Variants in SLIT2 observed in about 807,000 individuals in gnomAD.
SLIT2 encodes slit guidance ligand 2.
SLIT2 carries 41 observed loss-of-function variants against 185.7 expected under a neutral mutation model. That is an observed-to-expected ratio of 0.22 (90% CI 0.17 to 0.29). SLIT2 has a LOEUF of 0.29. Among genes scored for constraint, SLIT2 ranks in the 10% least tolerant of loss-of-function variants. SLIT2 has a pLI of 1.00. For missense variants in SLIT2, 1,571 were observed against 1,909.0 expected (o/e 0.82, Z 3.30); for synonymous variants, 693 against 680.2 (o/e 1.02, Z -0.29).
At chr4:20,548,811 C>T (rs1445496428) in intron 23 of SLIT2, among the ~76,000 whole-genome samples, 1 of 152,020 alleles carries the variant, frequency 6.6e-6, no homozygotes, top group Non-Finnish European at 1.5e-5. Context: ...GGAAAATCCA[C>T]CTTAGGGAAG....
In SLIT2 at chr4:20,531,174, C is replaced by T. The variant is rs149675355; in HGVS notation, c.1614-810C>T. On this transcript the variant is annotated intron_variant, in intron 16 of 36. Transcript: ENST00000504154. ...ATATATCCAGGCAGAAACGTGCACA[C>T]CATGTTCATAGCAGCATTATTTATA... Among the ~76,000 whole-genome samples, 551 of 152,206 alleles carry T rather than the reference C, an allele frequency of 3.6e-3. 5 individuals carry two copies. Among genetic ancestry groups the T allele is most frequent in the African/African-American group, 0.013 (529 of 41,526 alleles).
chr4:20,480,538 T>C (rs1378394500), intron 5 of SLIT2, among the ~76,000 whole-genome samples, 178 bp from the exon 6 acceptor site: 4 of 152,160 alleles, frequency 2.6e-5, no homozygotes, highest in African/African-American at 9.7e-5. Flanking sequence ...AACAAAAAGA[T>C]TTCAGTGGCG....
intron 4 of SLIT2, among the ~76,000 whole-genome samples, chr4:20,387,761 C>T (rs1279761708): frequency 1.3e-5 from 2 of 152,100 alleles, no homozygotes; most frequent in East Asian, 1.9e-4. Context: ...AGACCTCCAT[C>T]CTAGAACCAC....
chr4:20,487,670 A>T (rs553234606), intron 7 of SLIT2, among the ~76,000 whole-genome samples: 103 of 152,280 alleles, frequency 6.8e-4, no homozygotes, highest in African/African-American at 2.5e-3. Context: ...GCAAGAGGTC[A>T]CCCATCTTTC....
intron 4 of SLIT2, among the ~76,000 whole-genome samples, chr4:20,326,490 G>T (rs966425038): frequency 6.6e-6 from 1 of 151,968 alleles, no homozygotes. Context: ...ATGGCTACCC[G>T]TCTTGCTCAT....
intron 26 of SLIT2, among the ~76,000 whole-genome samples, chr4:20,561,060 C>T (rs1724649108): frequency 6.6e-6 from 1 of 151,864 alleles, no homozygotes; most frequent in East Asian, 1.9e-4. Context: ...CTGATACTGT[C>T]AGGTCCAAGA....
rs3924655 is a variant in SLIT2 at position 20,352,869 on chromosome 4, C to T, written c.395+83988C>T. On this transcript the variant is annotated intron_variant, in intron 4 of 36. Coordinates refer to ENST00000504154, the MANE Select transcript of SLIT2 (RefSeq NM_004787.4). ...CAGAGGTTGCCATGAGCCGAGAGTGCGTCACTGCAATCCAGCCTGAAAACT... is the reference window on the plus strand; with the variant it reads ...CAGAGGTTGCCATGAGCCGAGAGTGTGTCACTGCAATCCAGCCTGAAAACT... Among the ~76,000 whole-genome samples, 5 of 152,144 alleles carry T rather than the reference C, an allele frequency of 3.3e-5. No homozygotes were observed. In the East Asian group the frequency reaches 5.8e-4, roughly 18 times the overall value.
chr4:20,544,455 G>A (rs1186422277), intron 21 of SLIT2, among the ~76,000 whole-genome samples: 2 of 152,034 alleles, frequency 1.3e-5, no homozygotes, highest in African/African-American at 4.8e-5. Flanking sequence ...TCAAAAAGTT[G>A]AATTTTCAAT....
chr4:20,585,518 C>T (rs971071102), intron 29 of SLIT2, among the ~76,000 whole-genome samples: 18 of 152,180 alleles, frequency 1.2e-4, no homozygotes. Context: ...ATCATGGAGT[C>T]AAGGCTTGCC....
intron 34 of SLIT2, chr4:20,615,706 A>G (rs530070354): frequency 1.3e-5 from 2 of 152,316 alleles, no homozygotes; most frequent in Non-Finnish European, 2.9e-5. Context: ...GTCATTTCCT[A>G]TGAATGGGAA....
intron 4 of SLIT2, among the ~76,000 whole-genome samples, chr4:20,284,446 C>A (rs1221688640): frequency 6.6e-6 from 1 of 152,172 alleles, no homozygotes; most frequent in African/African-American, 2.4e-5. Flanking sequence ...TATTCACATG[C>A]ACTGAGTGCT....
chr4:20,617,832 T>C (rs532288647), intron 36 of SLIT2, among the ~76,000 whole-genome samples, 182 bp downstream of exon 36: 1 of 152,170 alleles, frequency 6.6e-6, no homozygotes, highest in African/African-American at 2.4e-5. Flanking sequence ...GCTATTGATT[T>C]ATTTTCAAGT....
At chr4:20,472,318 ATATATATCTATATATAGATC>A (rs1715258709) in intron 5 of SLIT2, among the ~76,000 whole-genome samples, 1 of 9,352 alleles carries the variant, frequency 1.1e-4, no homozygotes, top group Non-Finnish European at 1.6e-4. Context: ...ATATATAGAT[ATATATATCTATATATAGATC>A]TATATATAGA....
intron 8 of SLIT2, among the ~76,000 whole-genome samples, chr4:20,489,518 C>G (rs1577768653): frequency 6.6e-6 from 1 of 152,232 alleles, no homozygotes; most frequent in East Asian, 1.9e-4. Context: ...GCACTGTGGC[C>G]CACGCCTGTA....
chr4:20,467,920 A>C, intron 5 of SLIT2, 97 bp downstream of exon 5: 1 of 607,568 alleles, frequency 1.6e-6, no homozygotes. Context: ...AATGGTGAAA[A>C]CCCTGTGTAT....
In SLIT2 at chr4:20,539,479, A is replaced by G. The variant is rs752590667; in HGVS notation, c.1871A>G (p.Asp624Gly). Residue 624 changes from aspartate (D) to glycine (G), a missense_variant, in exon 19 of 37, where the codon GAC becomes GGC. Transcript: ENST00000504154. ...RSNRITCVGN[D>G]SFIGLSSVRL... ...AATCGAATAACCTGTGTGGGGAATGACAGTTTCATAGGACTCAGTTCTGTG... is the reference window on the plus strand; with the variant it reads ...AATCGAATAACCTGTGTGGGGAATGGCAGTTTCATAGGACTCAGTTCTGTG... 4 of 1,613,742 alleles carry G rather than the reference A, an allele frequency of 2.5e-6. No individual in the cohort carries two copies. The highest frequency in any genetic ancestry group is 3.4e-6 in the Non-Finnish European group (4 of 1,179,826).
chr4:20,282,368 A>G (rs924170763), intron 4 of SLIT2, among the ~76,000 whole-genome samples: 2 of 152,228 alleles, frequency 1.3e-5, no homozygotes, highest in Non-Finnish European at 2.9e-5. Context: ...TTTCCAAATA[A>G]CTATTATACC....
At chr4:20,370,255 C>T (rs1723464054) in intron 4 of SLIT2, among the ~76,000 whole-genome samples, 1 of 152,002 alleles carries the variant, frequency 6.6e-6, no homozygotes, top group Non-Finnish European at 1.5e-5. Flanking sequence ...TTTCCCTTTC[C>T]ACAAAGATTG....
At chr4:20,273,713 C>T (rs1713873166) in intron 4 of SLIT2, among the ~76,000 whole-genome samples, 1 of 152,140 alleles carries the variant, frequency 6.6e-6, no homozygotes, top group East Asian at 1.9e-4. Flanking sequence ...ATAAAACGAA[C>T]TCCCTAGTTC....
Sources: allele counts gnomAD v4.1 joint callset (sites outside exome capture counted in the v4.1 genomes callset), GRCh38; gene constraint gnomAD v4.1.1; transcripts MANE v1.5; gene names NCBI Gene and HGNC (gene_info 2026-07-23, HGNC 2026-07-21).